USP10: variants seen among roughly 807,000 people sequenced by gnomAD.
USP10 encodes ubiquitin carboxyl-terminal hydrolase 10.
USP10 carries 22 observed loss-of-function variants against 84.5 expected under a neutral mutation model. The observed-to-expected ratio is 0.26, with a 90% CI of 0.19 to 0.37. USP10 has a LOEUF of 0.37. Ranked by LOEUF, USP10 falls within the 10% of genes least tolerant of loss-of-function variation. USP10 has a pLI of 1.00. For synonymous variants in USP10, 454 were observed against 387.6 expected (o/e 1.17, Z -2.01); for missense variants, 1,019 against 998.9 (o/e 1.02, Z -0.27).
chr16:84,770,637 T>C (rs1041300406), intron 11 of USP10, among the ~76,000 whole-genome samples: 2 of 151,322 alleles, frequency 1.3e-5, no homozygotes, highest in African/African-American at 2.4e-5. Flanking sequence ...CCGGGCATGG[T>C]GGCAGGCGCC....
chr16:84,763,307 T>C (rs1241204989), intron 9 of USP10, among the ~76,000 whole-genome samples: 1 of 152,148 alleles, frequency 6.6e-6, no homozygotes, highest in African/African-American at 2.4e-5. Context: ...ATTAGGAAAA[T>C]GATCAAGCCT....
intron 1 of USP10, among the ~76,000 whole-genome samples, chr16:84,726,465 C>G (rs771602135): frequency 9.2e-5 from 14 of 152,226 alleles, no homozygotes; most frequent in African/African-American, 2.2e-4. Context: ...GGTTTCTCAA[C>G]TCAGGCCCCC....
At position 84,759,871 on chromosome 16, in the gene USP10, C is replaced by T; in HGVS notation, c.1395-20C>T. On this transcript the variant is annotated intron_variant, in intron 6 of 13. Coordinates refer to ENST00000219473, the MANE Select transcript of USP10 (RefSeq NM_005153.3). ...TATTGTTTAAAACTGCACTATTTAA[C>T]ATTTTTTCCCCATGTTTAGTGTTCG... 6.2e-7 allele frequency: 1 copy of T among 1,613,078 alleles called. No homozygotes were observed. The highest frequency in any genetic ancestry group is 8.5e-7 in the Non-Finnish European group (1 of 1,179,276).
intron 2 of USP10, among the ~76,000 whole-genome samples, chr16:84,739,920 AG>A (rs1355067339): frequency 1.3e-5 from 2 of 152,358 alleles, no homozygotes; most frequent in East Asian, 1.9e-4. Flanking sequence ...AGGTGCAGTC[AG>A]GAAGAGTCAT....
intron 4 of USP10, among the ~76,000 whole-genome samples, chr16:84,753,871 G>A (rs1417754589): frequency 6.6e-6 from 1 of 152,292 alleles, no homozygotes; most frequent in South Asian, 2.1e-4. Context: ...TTGCCTTCAG[G>A]GTAGTCTAAG....
At chr16:84,742,637 G>A (rs1910756083) in intron 3 of USP10, among the ~76,000 whole-genome samples, 1 of 152,156 alleles carries the variant, frequency 6.6e-6, no homozygotes, top group Admixed American at 6.5e-5. Flanking sequence ...TTGGGTTGTT[G>A]AAGCCAAGCG....
chr16:84,761,180 G>C (rs1292701963), intron 8 of USP10, among the ~76,000 whole-genome samples: 3 of 152,182 alleles, frequency 2.0e-5, no homozygotes, highest in African/African-American at 7.2e-5. Context: ...ATGAGTTAAT[G>C]AATAGTCAAC....
chr16:84,758,567 A>G (rs75198562), intron 4 of USP10, 149 bp from the exon 5 acceptor site: 2 of 615,650 alleles, frequency 3.2e-6, no homozygotes, highest in East Asian at 5.5e-5. Flanking sequence ...TGTTGAACTG[A>G]ATGAAGCCTT....
At chr16:84,704,703 T>G (rs979599977) in intron 1 of USP10, 1 of 1,486,102 alleles carries the variant, frequency 6.7e-7, no homozygotes, top group East Asian at 2.5e-5. Flanking sequence ...AGATCCTAGA[T>G]TTTTTCTGAA....
intron 2 of USP10, among the ~76,000 whole-genome samples, chr16:84,735,442 G>A (rs1909808821): frequency 6.6e-6 from 1 of 152,132 alleles, no homozygotes; most frequent in Non-Finnish European, 1.5e-5. Flanking sequence ...GAAGGCCTGG[G>A]GTCGCTTCAG....
At chr16:84,747,793 C>G (rs1392860835) in intron 4 of USP10, among the ~76,000 whole-genome samples, 4 of 151,964 alleles carry the variant, frequency 2.6e-5, no homozygotes, top group Non-Finnish European at 5.9e-5. Flanking sequence ...CCTCAAACTC[C>G]TGACCTCAAG....
At chr16:84,743,644 A>G (rs1340794123) in intron 3 of USP10, among the ~76,000 whole-genome samples, 1 of 152,202 alleles carries the variant, frequency 6.6e-6, no homozygotes, top group East Asian at 1.9e-4. Flanking sequence ...CCTTAACTTC[A>G]AAATGTGTAA....
intron 1 of USP10, among the ~76,000 whole-genome samples, chr16:84,726,947 G>A (rs1908569395): frequency 6.6e-6 from 1 of 152,248 alleles, no homozygotes; most frequent in African/African-American, 2.4e-5. Context: ...CTCTGGCAGA[G>A]TTGCTGAAAC....
chr16:84,752,105 G>C (rs367933899), intron 4 of USP10, among the ~76,000 whole-genome samples: 2 of 152,100 alleles, frequency 1.3e-5, no homozygotes, highest in East Asian at 3.8e-4. Flanking sequence ...TTTCAGTTCA[G>C]CCTTTTCATG....
chr16:84,759,451 C>T lies in USP10; in HGVS notation c.1373C>T (p.Ser458Leu). The T allele has an allele frequency of 1.2e-6, 2 of 1,613,976 alleles. No individual in the cohort carries two copies. Among genetic ancestry groups the T allele is most frequent in the Non-Finnish European group, 1.7e-6 (2 of 1,179,876 alleles). Reference sequence around the variant, plus strand: ...TCCAAAGTGCAAAGGCCTTGTACGTCAACACCCATGATAGACAGCTTGTAA... The same window carrying T: ...TCCAAAGTGCAAAGGCCTTGTACGTTAACACCCATGATAGACAGCTTGTAA... ...LYSKVQRPCT[S>L]TPMIDSFVRL... Residue 458 changes from serine (S) to leucine (L), a missense_variant, in exon 6 of 14, where the codon TCA (serine) becomes TTA (leucine). Ser to Leu is a moderately radical substitution (Grantham distance 145). Around this residue, in one of 2 missense-constraint regions of USP10, gnomAD observed 787 missense variants for 708.8 expected, o/e 1.11. Coordinates refer to ENST00000219473, the MANE Select transcript of USP10 (RefSeq NM_005153.3).
At chr16:84,735,622 CAG>C (rs1216710351) in intron 2 of USP10, among the ~76,000 whole-genome samples, 6 of 152,040 alleles carry the variant, frequency 3.9e-5, no homozygotes, top group Non-Finnish European at 7.3e-5. Flanking sequence ...TAGTGAGTAA[CAG>C]ATGTTAGTAG....
At chr16:84,761,206 A>G (rs1008289591) in intron 8 of USP10, among the ~76,000 whole-genome samples, 3 of 152,208 alleles carry the variant, frequency 2.0e-5, no homozygotes, top group Non-Finnish European at 4.4e-5. Context: ...AAGCACAAAG[A>G]TACAGAGATG....
At chr16:84,760,002 A>T in intron 7 of USP10, 56 bp downstream of exon 7, 1 of 1,597,050 alleles carries the variant, frequency 6.3e-7, no homozygotes, top group South Asian at 1.1e-5. Flanking sequence ...ATGGAGACAG[A>T]TGACTTAAAT....
At chr16:84,754,660 A>G (rs1361185985) in intron 4 of USP10, among the ~76,000 whole-genome samples, 1 of 152,236 alleles carries the variant, frequency 6.6e-6, no homozygotes, top group Non-Finnish European at 1.5e-5. Context: ...GGAAGCTGGT[A>G]TCGATTTAAG....
Sources: gnomAD v4.1 joint callset for allele counts (sites outside exome capture counted in the v4.1 genomes callset) on GRCh38, gnomAD v4.1.1 for gene constraint, gnomAD v4.1.1 regional missense constraint, MANE v1.5 for transcripts, NCBI Gene and HGNC (gene_info 2026-07-23, HGNC 2026-07-21) for gene names.